COL22A1: variants seen among roughly 807,000 people sequenced by gnomAD.
COL22A1 encodes collagen type XXII alpha 1 chain.
A neutral mutation model predicts 248.9 loss-of-function variants in COL22A1; 221 were observed. The observed-to-expected ratio is 0.89, with a 90% CI of 0.80 to 0.99. The LOEUF (loss-of-function observed/expected upper bound fraction) is 0.99. Ranked by LOEUF, COL22A1 falls within the 50% of genes least tolerant of loss-of-function variation. The pLI is 0.00. For synonymous variants in COL22A1, 891 were observed against 793.4 expected (o/e 1.12, Z -2.07); for missense variants, 2,240 against 2,179.0 (o/e 1.03, Z -0.56).
intron 36 of COL22A1, among the ~76,000 whole-genome samples, chr8:138,689,479 G>T (rs1052610295): frequency 6.6e-6 from 1 of 152,142 alleles, no homozygotes; most frequent in African/African-American, 2.4e-5. Flanking sequence ...ACTCTGCAAG[G>T]CCAAGGCAGA....
In COL22A1 at chr8:138,883,189, G is replaced by A. The variant is rs980318447; in HGVS notation, c.-17C>T. ...GCCGGCCATGGCTCTCCTGTTCTTG[G>A]GGACAGGCTTCTCTTGGCCAGGAAG... is the stretch of plus-strand genomic sequence containing the variant. On this transcript the variant is annotated 5_prime_UTR_variant, in exon 2 of 65. Coordinates refer to ENST00000303045, the MANE Select transcript of COL22A1 (RefSeq NM_152888.3). 4.0e-5 allele frequency: 63 copies of A among 1,563,260 alleles called. No homozygotes were observed. The highest frequency in any genetic ancestry group is 5.5e-5 in the Non-Finnish European group (63 of 1,153,500).
At chr8:138,674,805 C>A (rs2130792821) in intron 41 of COL22A1, among the ~76,000 whole-genome samples, 1 of 152,192 alleles carries the variant, frequency 6.6e-6, no homozygotes, top group East Asian at 1.9e-4. Flanking sequence ...GAGCGAGTGC[C>A]ACATGAAGCA....
rs780771948 is a variant in COL22A1 at position 138,778,418 on chromosome 8, C to A, written c.1705-12G>T. ...GGTCCTTGGGGCCCCTGCAGAAGAG[C>A]ATTTACAGAGTAAAGTTTCAGGGAT... On this transcript the variant is annotated splice_polypyrimidine_tract_variant and intron_variant, in intron 14 of 64. Transcript: ENST00000303045. 3 of 1,581,202 alleles carry A rather than the reference C, an allele frequency of 1.9e-6. No individual in the cohort carries two copies. In the South Asian group the frequency reaches 3.5e-5, roughly 19 times the overall value.
rs1817837722 is a variant in COL22A1, at chr8:138,807,619, A to G, written c.1494+149T>C. On this transcript the variant is annotated intron_variant, in intron 10 of 64. Transcript: ENST00000303045. ...GGCTCCCAGGATTTCAGACTTTATG[A>G]CATTTGCTCTTATCCATCTAATTTA... 4.4e-6 allele frequency: 3 copies of G among 688,172 alleles called. No individual in the cohort carries two copies. In the Admixed American group the frequency reaches 7.9e-5, roughly 18 times the overall value. 42.6% of individuals were successfully genotyped at this position (688,172 alleles called of 1,614,324 possible). A position where few individuals can be genotyped will look rare whatever the true frequency, so the allele number is the denominator to read the frequency against.
intron 1 of COL22A1, among the ~76,000 whole-genome samples, chr8:138,906,612 AG>A (rs1166958309): frequency 6.6e-6 from 1 of 151,874 alleles, no homozygotes; most frequent in Non-Finnish European, 1.5e-5. Context: ...TTATTTTCTG[AG>A]AAGATAGAAA....
At chr8:138,799,173 T>C (rs1169386092) in intron 11 of COL22A1, among the ~76,000 whole-genome samples, 1 of 152,220 alleles carries the variant, frequency 6.6e-6, no homozygotes, top group Non-Finnish European at 1.5e-5. Context: ...TTATAATTTC[T>C]AACTCTTTAT....
chr8:138,706,169 C>T (rs550198478), intron 30 of COL22A1, among the ~76,000 whole-genome samples: 2,244 of 152,238 alleles, frequency 0.015, 52 homozygotes, highest in African/African-American at 0.051. Flanking sequence ...AAGACTTAGA[C>T]TCCCACACAA....
intron 23 of COL22A1, among the ~76,000 whole-genome samples, chr8:138,730,043 T>C (rs1830595692): frequency 6.6e-6 from 1 of 152,206 alleles, no homozygotes; most frequent in Admixed American, 6.5e-5. Flanking sequence ...TAGCTATTTC[T>C]ACTTTGGCAC....
chr8:138,878,071 C>A lies in COL22A1; in HGVS notation c.337G>T (p.Gly113Cys), dbSNP rs1377284965. Residue 113 changes from glycine (G) to cysteine (C), a missense_variant, in exon 3 of 65, where the codon GGC (glycine) becomes TGC (cysteine). Physicochemically the swap from Gly to Cys is radical, Grantham distance 159 (BLOSUM62 -3). Transcript: ENST00000303045. ...AAARRLAYHG[G>C]NTNTGDALRY... ...AGCGCGTCTCCCGTGTTGGTGTTGC[C>A]CCCGTGGTAGGCGAGACGCCGGGCA... 6.3e-7 allele frequency: 1 copy of A among 1,598,592 alleles called. No homozygotes were observed.
chr8:138,626,277 C>A (rs774039616), intron 50 of COL22A1, 34 bp from the exon 51 acceptor site: 6 of 1,555,108 alleles, frequency 3.9e-6, no homozygotes, highest in Non-Finnish European at 5.3e-6. Flanking sequence ...CACCATGAAA[C>A]CTCTGCTGGC....
intron 13 of COL22A1, among the ~76,000 whole-genome samples, chr8:138,780,101 G>A (rs1326071736): frequency 6.6e-6 from 1 of 152,178 alleles, no homozygotes; most frequent in Non-Finnish European, 1.5e-5. Flanking sequence ...TCTGTGGCTG[G>A]AAGTCAACAA....
intron 42 of COL22A1, 116 bp from the exon 43 acceptor site, chr8:138,662,199 C>A: frequency 1.2e-6 from 1 of 814,590 alleles, no homozygotes; most frequent in Non-Finnish European, 2.0e-6. Context: ...TATGAGGAAT[C>A]TGATGCAACA....
Position 138,846,629 on chromosome 8 carries a change from TCCTC to T in COL22A1, c.659-2475_659-2472del, listed in dbSNP as rs145614440. ...GCCAGCCTTCCTGGGGATGGTGGGG[TCCTC>T]AGGGTCCACCTGCTTGGCAAGGAGG... On this transcript the variant is annotated intron_variant, in intron 3 of 64. Coordinates refer to ENST00000303045, the MANE Select transcript of COL22A1 (RefSeq NM_152888.3). 9.1e-3 allele frequency among the ~76,000 whole-genome samples: 1,387 copies of T among 152,136 alleles called. 58 individuals carry two copies. The East Asian group carries it at 0.14, about 15-fold the overall frequency.
chr8:138,819,827 G>T (rs1274202541), intron 7 of COL22A1, among the ~76,000 whole-genome samples: 1 of 151,590 alleles, frequency 6.6e-6, no homozygotes, highest in Non-Finnish European at 1.5e-5. Context: ...ACATGGGAAA[G>T]TTAAAAATTG....
At chr8:138,732,992 G>C (rs1033363148) in intron 23 of COL22A1, among the ~76,000 whole-genome samples, 2 of 152,108 alleles carry the variant, frequency 1.3e-5, no homozygotes, top group Non-Finnish European at 1.5e-5. Flanking sequence ...GTTTATTTTG[G>C]GGGGAAGCAG....
chr8:138,746,201 C>T (rs1832092134), intron 22 of COL22A1, among the ~76,000 whole-genome samples: 1 of 152,160 alleles, frequency 6.6e-6, no homozygotes, highest in African/African-American at 2.4e-5. Flanking sequence ...GTTCTGTTGC[C>T]CCCCAACCCA....
intron 43 of COL22A1, 54 bp downstream of exon 43, chr8:138,661,976 T>C (rs1824007234): frequency 6.9e-7 from 1 of 1,440,878 alleles, no homozygotes; most frequent in South Asian, 1.3e-5. Context: ...AGGGCGGGCT[T>C]TCAGGGGTCA....
intron 51 of COL22A1, among the ~76,000 whole-genome samples, chr8:138,624,757 C>G (rs963058653): frequency 4.6e-5 from 7 of 152,144 alleles, no homozygotes; most frequent in African/African-American, 1.7e-4. Context: ...TACTTAACCT[C>G]CAGGCTGCAG....
chr8:138,607,149 G>T (rs4909810), intron 57 of COL22A1, among the ~76,000 whole-genome samples: 293 of 152,272 alleles, frequency 1.9e-3, no homozygotes, highest in African/African-American at 5.6e-3. Flanking sequence ...GGATTTTCCA[G>T]TTGGGAAAGT....
Sources: gnomAD v4.1 joint callset for allele counts (sites outside exome capture counted in the v4.1 genomes callset) on GRCh38, gnomAD v4.1.1 for gene constraint, MANE v1.5 for transcripts, NCBI Gene and HGNC (gene_info 2026-07-23, HGNC 2026-07-21) for gene names.